AGBL1: variants seen among roughly 807,000 people sequenced by gnomAD.
The protein encoded by AGBL1 is AGBL carboxypeptidase 1, also known as cytosolic carboxypeptidase 4.
In AGBL1, 130 loss-of-function variants were observed where a neutral mutation model predicts 118.9. That is an observed-to-expected ratio of 1.09 (90% CI 0.95 to 1.26). The LOEUF (loss-of-function observed/expected upper bound fraction) is 1.26, where lower values mean the gene tolerates loss of function less well. AGBL1 is among the 50% of genes most tolerant of loss of function. AGBL1 has a pLI of 0.00. For missense variants in AGBL1, 1,584 were observed against 1,298.1 expected, an observed-to-expected ratio of 1.22 and a Z score of -3.38; for synonymous variants, 555 against 478.9, an observed-to-expected ratio of 1.16 and a Z score of -2.08.
intron 5 of AGBL1, chr15:86,173,304 C>T (rs1318472927): frequency 6.6e-6 from 1 of 152,018 alleles, no homozygotes; most frequent in Non-Finnish European, 1.5e-5. Flanking sequence ...TATATGTTTT[C>T]TTGCTATTGA....
chr15:86,490,455 G>A (rs758876193), intron 18 of AGBL1, among the ~76,000 whole-genome samples: 4 of 152,052 alleles, frequency 2.6e-5, no homozygotes, highest in African/African-American at 7.2e-5. Context: ...TCATTCACAC[G>A]GGCAGGAGGT....
intron 22 of AGBL1, among the ~76,000 whole-genome samples, chr15:86,737,321 T>C (rs746636845): frequency 6.6e-6 from 1 of 152,166 alleles, no homozygotes; most frequent in Non-Finnish European, 1.5e-5. Flanking sequence ...GCTGATGCAA[T>C]TTCCAGGCAA....
At chr15:86,331,187 G>T (rs188379861) in intron 17 of AGBL1, among the ~76,000 whole-genome samples, 9 of 135,932 alleles carry the variant, frequency 6.6e-5, no homozygotes, top group African/African-American at 1.9e-4. Flanking sequence ...TCGTGCCATT[G>T]TACTCCAGCC....
intron 19 of AGBL1, among the ~76,000 whole-genome samples, chr15:86,534,850 T>G (rs2142227573): frequency 6.6e-6 from 1 of 152,234 alleles, no homozygotes; most frequent in African/African-American, 2.4e-5. Context: ...GAAAGTAATT[T>G]ATGGGGACAT....
intron 21 of AGBL1, among the ~76,000 whole-genome samples, chr15:86,560,134 T>C (rs2083793669): frequency 6.6e-6 from 1 of 151,172 alleles, no homozygotes; most frequent in Non-Finnish European, 1.5e-5. Flanking sequence ...TTTTTCTTTT[T>C]TTTCTTGTAC....
chr15:86,485,722 C>A (rs993383248), intron 18 of AGBL1, among the ~76,000 whole-genome samples: 15 of 152,084 alleles, frequency 9.9e-5, no homozygotes, highest in African/African-American at 3.6e-4. Context: ...GGCCTGTGGA[C>A]CGTAGTTTGC....
At chr15:86,094,807 C>T (rs1336016047) in intron 1 of AGBL1, among the ~76,000 whole-genome samples, 1 of 152,144 alleles carries the variant, frequency 6.6e-6, no homozygotes, top group Non-Finnish European at 1.5e-5. Context: ...CACCAACAAC[C>T]AACTCTTCAA....
intron 19 of AGBL1, 134 bp from the exon 20 acceptor site, chr15:86,545,868 C>A: frequency 9.0e-7 from 1 of 1,116,378 alleles, no homozygotes; most frequent in Non-Finnish European, 1.3e-6. Context: ...GGTCTGCTAA[C>A]TCAACAGCAT....
At chr15:86,586,709 TA>T (rs2084253780) in intron 21 of AGBL1, among the ~76,000 whole-genome samples, 2 of 152,130 alleles carry the variant, frequency 1.3e-5, no homozygotes, top group African/African-American at 4.8e-5. Context: ...CTGGGAGGTA[TA>T]CAATAGTTTG....
intron 22 of AGBL1, among the ~76,000 whole-genome samples, chr15:86,839,521 C>A (rs1378971844): frequency 6.6e-6 from 1 of 152,138 alleles, no homozygotes; most frequent in East Asian, 1.9e-4. Flanking sequence ...CAGGGTTTCT[C>A]AGCTTTCGCA....
At chr15:86,090,096 G>C (rs912987947) in intron 1 of AGBL1, among the ~76,000 whole-genome samples, 2 of 152,118 alleles carry the variant, frequency 1.3e-5, no homozygotes, top group Non-Finnish European at 2.9e-5. Flanking sequence ...ATCCTATGAG[G>C]AATATATGGC....
At chr15:86,446,523 T>G (rs1375842723) in intron 18 of AGBL1, among the ~76,000 whole-genome samples, 1 of 152,238 alleles carries the variant, frequency 6.6e-6, no homozygotes, top group Admixed American at 6.5e-5. Context: ...CTAACATTCC[T>G]GTCACACTTA....
intron 22 of AGBL1, among the ~76,000 whole-genome samples, chr15:86,680,571 T>C (rs1240259788): frequency 5.0e-5 from 7 of 139,242 alleles, no homozygotes; most frequent in African/African-American, 1.3e-4. Context: ...TTTTCTTTTT[T>C]TTTTTTTTTT....
intron 22 of AGBL1, among the ~76,000 whole-genome samples, chr15:86,746,969 C>T (rs1010854603): frequency 1.3e-5 from 2 of 151,932 alleles, no homozygotes; most frequent in Non-Finnish European, 2.9e-5. Context: ...TTGATAAGAT[C>T]GCATGAAAAA....
At chr15:86,770,548 T>G (rs974007818) in intron 22 of AGBL1, among the ~76,000 whole-genome samples, 4 of 151,898 alleles carry the variant, frequency 2.6e-5, no homozygotes, top group Non-Finnish European at 4.4e-5. Context: ...AACCAGAAAT[T>G]AAGAAAGACA....
chr15:86,870,195 G>A (rs1352951600), intron 22 of AGBL1, among the ~76,000 whole-genome samples: 1 of 151,908 alleles, frequency 6.6e-6, no homozygotes, highest in Non-Finnish European at 1.5e-5. Context: ...AAAGAAAAGG[G>A]AACTAATTTA....
intron 22 of AGBL1, among the ~76,000 whole-genome samples, chr15:86,817,293 GAAAA>G (rs71144068): frequency 7.8e-6 from 1 of 127,604 alleles, no homozygotes; most frequent in Non-Finnish European, 1.6e-5. Context: ...ACTCCATCTG[GAAAA>G]AAAAAAAAAA....
intron 18 of AGBL1, among the ~76,000 whole-genome samples, chr15:86,400,144 T>C (rs1312321236): frequency 9.9e-5 from 15 of 152,162 alleles, no homozygotes; most frequent in South Asian, 2.1e-4. Flanking sequence ...AGTTCTGTAA[T>C]TGACATTTTA....
At chr15:86,324,742 G>GT (rs934607113) in intron 17 of AGBL1, among the ~76,000 whole-genome samples, 9 of 152,296 alleles carry the variant, frequency 5.9e-5, no homozygotes, top group African/African-American at 2.2e-4. Context: ...AGTCGTAGTG[G>GT]TAAATCATTT....
Sources: gnomAD v4.1 joint callset for allele counts (sites outside exome capture counted in the v4.1 genomes callset) on GRCh38, gnomAD v4.1.1 for gene constraint, MANE v1.5 for transcripts, NCBI Gene and HGNC (gene_info 2026-07-23, HGNC 2026-07-21) for gene names.